The following DGKG variants were observed in gnomAD, a reference collection of about 807,000 sequenced individuals.
DGKG encodes DAG kinase gamma.
DGKG carries 78 observed loss-of-function variants against 105.3 expected under a neutral mutation model. The ratio of observed to expected loss-of-function variants is 0.74; its 90% confidence interval spans 0.62 to 0.89. The LOEUF is 0.89. Ranked by LOEUF, DGKG falls within the 40% of genes least tolerant of loss-of-function variation. DGKG has a pLI of 0.00. For missense variants in DGKG, 958 were observed against 1,020.1 expected, an observed-to-expected ratio of 0.94 and a Z score of 0.83; for synonymous variants, 346 against 367.1, an observed-to-expected ratio of 0.94 and a Z score of 0.66.
At chr3:186,198,953 A>AT (rs948810416) in intron 21 of DGKG, among the ~76,000 whole-genome samples, 29 of 148,654 alleles carry the variant, frequency 2.0e-4, no homozygotes, top group African/African-American at 4.2e-4. Context: ...ACAGTCCAGT[A>AT]TTTTTTTTTT....
chr3:186,183,154 A>G (rs1320320653), intron 22 of DGKG, among the ~76,000 whole-genome samples: 1 of 152,216 alleles, frequency 6.6e-6, no homozygotes, highest in Non-Finnish European at 1.5e-5. Flanking sequence ...TGCAAGACAC[A>G]CAGTAGACTC....
chr3:186,147,615 C>T lies in DGKG; in HGVS notation c.*2475G>A. The T allele has an allele frequency of 7.1e-6, 7 of 985,448 alleles. No homozygotes were observed. The highest frequency in any genetic ancestry group is 8.4e-6 in the Non-Finnish European group (7 of 829,940). 61.0% of individuals were successfully genotyped at this position (985,448 alleles called of 1,614,324 possible). On this transcript the variant is annotated 3_prime_UTR_variant, in exon 25 of 25. Coordinates refer to ENST00000265022, the MANE Select transcript of DGKG (RefSeq NM_001346.3). Reference sequence around the variant, plus strand: ...GGGATATGTCTCTCAAGCAACATTGCAAGTCCTGTGCACTAGGGTGCAGCA... The same window carrying T: ...GGGATATGTCTCTCAAGCAACATTGTAAGTCCTGTGCACTAGGGTGCAGCA...
chr3:186,261,787 G>C lies in DGKG; in HGVS notation c.1270-9C>G. 6.3e-7 allele frequency: 1 copy of C among 1,578,294 alleles called. No homozygotes were observed. The highest frequency in any genetic ancestry group is 8.6e-7 in the Non-Finnish European group (1 of 1,158,532). ...GTGGGGATGATCTTATACTTGAAAG[G>C]TAAAAGAAAAAGAAATTAGCTCTGC... On this transcript the variant is annotated splice_polypyrimidine_tract_variant and intron_variant, in intron 14 of 24. Transcript: ENST00000265022.
At chr3:186,248,026 T>C (rs1032121822) in intron 19 of DGKG, among the ~76,000 whole-genome samples, 16 of 152,022 alleles carry the variant, frequency 1.1e-4, no homozygotes, top group Non-Finnish European at 2.2e-4. Context: ...CCTTCCTTCC[T>C]TTTTTCCTAC....
chr3:186,286,610 T>G (rs1179627772), intron 6 of DGKG, among the ~76,000 whole-genome samples: 1 of 152,194 alleles, frequency 6.6e-6, no homozygotes, highest in East Asian at 1.9e-4. Flanking sequence ...TCCCAAAAAA[T>G]ACATGTTTGG....
chr3:186,314,972 C>A (rs556721744), intron 2 of DGKG, among the ~76,000 whole-genome samples: 148 of 152,164 alleles, frequency 9.7e-4, no homozygotes, highest in African/African-American at 3.4e-3. Context: ...ATGCCCACCC[C>A]CCAATGGCCA....
intron 1 of DGKG, among the ~76,000 whole-genome samples, chr3:186,323,121 C>G (rs1725160232): frequency 6.6e-6 from 1 of 152,224 alleles, no homozygotes; most frequent in African/African-American, 2.4e-5. Flanking sequence ...GATCACATCT[C>G]TCTCGGTAAT....
At chr3:186,199,085 C>CT (rs1474821970) in intron 21 of DGKG, among the ~76,000 whole-genome samples, 1 of 151,598 alleles carries the variant, frequency 6.6e-6, no homozygotes, top group Non-Finnish European at 1.5e-5. Flanking sequence ...GTAGCTGGGA[C>CT]TACAGGCGCA....
chr3:186,237,939 G>A (rs1341856146), intron 20 of DGKG, among the ~76,000 whole-genome samples: 1 of 152,108 alleles, frequency 6.6e-6, no homozygotes, highest in Non-Finnish European at 1.5e-5. Context: ...TCTAGGAGGA[G>A]CTAAAAAAAT....
rs1010069303 is a variant in DGKG at position 186,149,967 on chromosome 3, G to A, written c.*123C>T. 2.7e-5 allele frequency: 39 copies of A among 1,447,970 alleles called. No homozygotes were observed. Among genetic ancestry groups the A allele is most frequent in the Middle Eastern group, 1.8e-4 (1 of 5,504 alleles). The allele number at this position is 1,447,970 out of a possible 1,614,324, so 89.7% of individuals were successfully genotyped here. A position where few individuals can be genotyped will look rare whatever the true frequency, so the allele number is the denominator to read the frequency against. ...CCGAAGGGTGGCTTTGCTTCCACTG[G>A]TTAGAGAAGAGTGTGTATGTGTGTG... On this transcript the variant is annotated 3_prime_UTR_variant, in exon 25 of 25. Coordinates refer to ENST00000265022, the MANE Select transcript of DGKG (RefSeq NM_001346.3).
chr3:186,267,502 G>T, intron 13 of DGKG, 183 bp downstream of exon 13: 1 of 566,116 alleles, frequency 1.8e-6, no homozygotes, highest in Non-Finnish European at 3.2e-6. Flanking sequence ...GTGTCTGCCT[G>T]TGTAACAAAC....
At chr3:186,193,128 C>T (rs1717985143) in intron 21 of DGKG, among the ~76,000 whole-genome samples, 1 of 152,136 alleles carries the variant, frequency 6.6e-6, no homozygotes, top group Non-Finnish European at 1.5e-5. Context: ...ATGGGAGAAG[C>T]CTGGGGTCTG....
At chr3:186,171,183 G>A (rs1716798454) in intron 22 of DGKG, among the ~76,000 whole-genome samples, 1 of 152,174 alleles carries the variant, frequency 6.6e-6, no homozygotes, top group South Asian at 2.1e-4. Context: ...TCCATTGCGA[G>A]TTGAAGGCAG....
At chr3:186,342,798 G>A (rs1334630388) in intron 1 of DGKG, among the ~76,000 whole-genome samples, 2 of 152,046 alleles carry the variant, frequency 1.3e-5, no homozygotes, top group Admixed American at 1.3e-4. Flanking sequence ...ATGAGATTCT[G>A]GAATAGAGGC....
At chr3:186,354,167 T>C (rs1312314676) in intron 1 of DGKG, among the ~76,000 whole-genome samples, 6 of 152,256 alleles carry the variant, frequency 3.9e-5, no homozygotes, top group African/African-American at 1.4e-4. Flanking sequence ...CCTGGCCTTC[T>C]GGGAGCTGGA....
Position 186,268,177 on chromosome 3 carries a change from T to C in DGKG, c.1117-400A>G, listed in dbSNP as rs559288641. ...AGAGTAAACCTTGTGATTCAACCTT[T>C]GTATTTTGAGAGTTCTGCAGTCTGG... On this transcript the variant is annotated intron_variant, in intron 12 of 24. Coordinates refer to ENST00000265022, the MANE Select transcript of DGKG (RefSeq NM_001346.3). Among the ~76,000 whole-genome samples, 6 of 152,318 alleles carry C rather than the reference T, an allele frequency of 3.9e-5. No individual in the cohort carries two copies. The South Asian group carries it at 1.0e-3, about 26-fold the overall frequency.
At chr3:186,271,401 C>T (rs2108585011) in intron 11 of DGKG, among the ~76,000 whole-genome samples, 1 of 152,248 alleles carries the variant, frequency 6.6e-6, no homozygotes, top group Admixed American at 6.5e-5. Flanking sequence ...AGTCAAAATA[C>T]CCAATAACCA....
intron 3 of DGKG, among the ~76,000 whole-genome samples, chr3:186,302,492 A>ACATATG (rs1723990982): frequency 1.0e-4 from 1 of 9,726 alleles, no homozygotes; most frequent in Non-Finnish European, 2.1e-4. Flanking sequence ...ATATATATAT[A>ACATATG]TATATATATA....
At chr3:186,154,912 T>G (rs1210663777) in intron 24 of DGKG, among the ~76,000 whole-genome samples, 1 of 152,128 alleles carries the variant, frequency 6.6e-6, no homozygotes, top group Non-Finnish European at 1.5e-5. Flanking sequence ...AGAACCCCTG[T>G]AGGTTATGTA....
Sources: gnomAD v4.1 joint callset for allele counts (sites outside exome capture counted in the v4.1 genomes callset) on GRCh38, gnomAD v4.1.1 for gene constraint, MANE v1.5 for transcripts, NCBI Gene and HGNC (gene_info 2026-07-23, HGNC 2026-07-21) for gene names.